The following CFAP46 variants were observed in gnomAD, a reference collection of about 807,000 sequenced individuals.
The protein encoded by CFAP46 is cilia- and flagella-associated protein 46.
In CFAP46, 245 loss-of-function variants were observed where a neutral mutation model predicts 325.7. The ratio of observed to expected loss-of-function variants is 0.75; its 90% confidence interval spans 0.68 to 0.84. The LOEUF (loss-of-function observed/expected upper bound fraction) is 0.84, where lower values mean the gene tolerates loss of function less well. CFAP46 is among the 40% of genes least tolerant of loss of function. The probability of loss-of-function intolerance (pLI) is 0.00; values close to 1 mark genes in which losing one functional copy is unlikely to be tolerated. For missense variants in CFAP46, 3,346 were observed against 3,543.0 expected, an observed-to-expected ratio of 0.94 and a Z score of 1.41; for synonymous variants, 1,523 against 1,495.9, an observed-to-expected ratio of 1.02 and a Z score of -0.42.
chr10:132,924,467 C>A (rs890582310), intron 11 of CFAP46, among the ~76,000 whole-genome samples: 1 of 152,216 alleles, frequency 6.6e-6, no homozygotes, highest in South Asian at 2.1e-4. Flanking sequence ...CACAGATGCC[C>A]GTGAGGCAAG....
intron 50 of CFAP46, among the ~76,000 whole-genome samples, chr10:132,822,228 CGGTGATGTGT>C (rs1565036032): frequency 5.9e-5 from 5 of 85,308 alleles, no homozygotes; most frequent in Non-Finnish European, 8.8e-5. Context: ...GTGCTGTGTG[CGGTGATGTGT>C]GCTGTGTGTG....
intron 50 of CFAP46, among the ~76,000 whole-genome samples, chr10:132,825,152 T>G (rs1331545836): frequency 6.8e-6 from 1 of 147,736 alleles, no homozygotes; most frequent in African/African-American, 2.6e-5. Context: ...TGATGTGTGC[T>G]GTGTGTGCAG....
At chr10:132,905,959 T>C (rs896785296) in intron 22 of CFAP46, among the ~76,000 whole-genome samples, 11 of 152,172 alleles carry the variant, frequency 7.2e-5, no homozygotes, top group Admixed American at 2.0e-4. Flanking sequence ...TGGAAGCAAA[T>C]TGATTTTTAT....
At chr10:132,834,572 A>G (rs985335678) in intron 48 of CFAP46, 82 bp downstream of exon 48, 2 of 1,546,924 alleles carry the variant, frequency 1.3e-6, no homozygotes, top group Non-Finnish European at 1.7e-6. Context: ...CACAGCAAGC[A>G]CACGTGGTTG....
At chr10:132,925,028 A>C (rs1849787710) in intron 10 of CFAP46, 142 bp from the exon 11 acceptor site, 2 of 615,224 alleles carry the variant, frequency 3.3e-6, no homozygotes, top group Non-Finnish European at 5.0e-6. Flanking sequence ...TCTGTCCGTG[A>C]AAATGGCCAG....
Position 132,808,586 on chromosome 10 carries a change from G to T in CFAP46, c.7983C>A (p.Ala2661=). 6.2e-7 allele frequency: 1 copy of T among 1,612,700 alleles called. No individual in the cohort carries two copies. Among genetic ancestry groups the T allele is most frequent in the Non-Finnish European group, 8.5e-7 (1 of 1,179,790 alleles). The change falls in exon 58 of 58, where the codon GCC becomes GCA. Residue 2661 remains alanine, a synonymous_variant. Transcript: ENST00000368586. The surrounding 1 kb of genome is among the most constrained non-coding windows in gnomAD (Gnocchi z 6.8). ...PPPATSRKAA[A]WTSSSACLCA... The stretch of plus-strand genomic sequence containing the variant: ...ACAGGCAGGCAGAGCTCGAGGTCCA[G>T]GCGGCTGCCTTGCGGGAAGTCGCTG...
At position 132,919,532 on chromosome 10, in the gene CFAP46, A is replaced by G; in HGVS notation, c.1731-90T>C. 1 of 1,457,496 alleles carries G rather than the reference A, an allele frequency of 6.9e-7. No individual in the cohort carries two copies. Among genetic ancestry groups the G allele is most frequent in the Non-Finnish European group, 9.1e-7 (1 of 1,097,842 alleles). 90.3% of individuals were successfully genotyped at this position (1,457,496 alleles called of 1,614,324 possible). On this transcript the variant is annotated intron_variant, in intron 14 of 57. Transcript: ENST00000368586. The surrounding 1 kb of genome is among the most constrained non-coding windows in gnomAD (Gnocchi z 9.7). ...ACACCTGGGCTGGCTGCCTGAGAAA[A>G]GGCCACTGTGGCTCTGCAGTTTCAA...
At chr10:132,838,172 G>A (rs1848297585) in intron 44 of CFAP46, among the ~76,000 whole-genome samples, 1 of 152,238 alleles carries the variant, frequency 6.6e-6, no homozygotes, top group East Asian at 1.9e-4. Context: ...CCGGCACGCA[G>A]TTCAGGCTCC....
intron 48 of CFAP46, 116 bp from the exon 49 acceptor site, chr10:132,834,239 G>A (rs959468536): frequency 6.9e-5 from 64 of 932,316 alleles, no homozygotes; most frequent in Middle Eastern, 2.4e-4. Flanking sequence ...GAATCCCCAC[G>A]CTCACTTCTG....
At chr10:132,925,761 C>A (rs1444172798) in intron 10 of CFAP46, among the ~76,000 whole-genome samples, 1 of 152,250 alleles carries the variant, frequency 6.6e-6, no homozygotes, top group Non-Finnish European at 1.5e-5. Flanking sequence ...ACACGTGTGC[C>A]AGGCAGTGCG....
Position 132,924,709 on chromosome 10 carries a change from C to A in CFAP46, c.1243G>T (p.Glu415Ter), listed in dbSNP as rs1188283608. The change falls in exon 11 of 58, where the codon GAG becomes TAG. Residue 415 changes from glutamate to a stop codon, truncating the protein, a stop_gained. Transcript: ENST00000368586. LOFTEE classifies it high-confidence loss of function. ...TGAGCGCCCCACCTGTCCAGCTTCT[C>A]CAGCACGTCCGCAACGCCAGCCAGG... is the stretch of plus-strand genomic sequence containing the variant. ...KPLAGVADVLEKLDSLMTLLR... is the reference protein window; with the variant it reads ...KPLAGVADVL 7.2e-6 allele frequency: 11 copies of A among 1,534,408 alleles called. No homozygotes were observed. In the African/African-American group the frequency reaches 1.5e-4, roughly 21 times the overall value.
intron 44 of CFAP46, among the ~76,000 whole-genome samples, chr10:132,845,823 G>A (rs1419780800): frequency 1.3e-5 from 2 of 152,108 alleles, no homozygotes; most frequent in African/African-American, 2.4e-5. Flanking sequence ...TTGTGACCTC[G>A]CCAACCTCAC....
chr10:132,916,909 A>G (rs1849648462), intron 16 of CFAP46, among the ~76,000 whole-genome samples: 1 of 152,208 alleles, frequency 6.6e-6, no homozygotes, highest in Non-Finnish European at 1.5e-5. Flanking sequence ...AGGGTCAGGG[A>G]AGAGAAGGTC....
At position 132,851,314 on chromosome 10, in the gene CFAP46, G is replaced by A. The variant is rs1300966094; in HGVS notation, c.5575-9C>T. The A allele has an allele frequency of 4.3e-6, 7 of 1,611,858 alleles. No individual in the cohort carries two copies. In the East Asian group the frequency reaches 1.6e-4, roughly 36 times the overall value. ...GTGTTGACGTTCTGCAACTGAGGGGGTCAGGCATGCCTCTGAAGCATGGAA... is the reference window on the plus strand; with the variant it reads ...GTGTTGACGTTCTGCAACTGAGGGGATCAGGCATGCCTCTGAAGCATGGAA... On this transcript the variant is annotated splice_polypyrimidine_tract_variant and intron_variant, in intron 39 of 57. Transcript: ENST00000368586.
chr10:132,868,239 C>T (rs1482209618), intron 33 of CFAP46, among the ~76,000 whole-genome samples: 1 of 152,204 alleles, frequency 6.6e-6, no homozygotes, highest in Non-Finnish European at 1.5e-5. Context: ...GGCCACCCCA[C>T]ATCGCGTTGG....
chr10:132,906,416 G>A (rs1326301717), intron 22 of CFAP46, among the ~76,000 whole-genome samples: 1 of 152,290 alleles, frequency 6.6e-6, no homozygotes, highest in Admixed American at 6.5e-5. Flanking sequence ...CCTGGGAACA[G>A]TAGTGCCTGC....
At chr10:132,834,872 C>T in intron 47 of CFAP46, 97 bp from the exon 48 acceptor site, 1 of 1,456,724 alleles carries the variant, frequency 6.9e-7, no homozygotes, top group Non-Finnish European at 9.1e-7. Context: ...AGCTCCTGCC[C>T]CTTCTGCAAA....
At chr10:132,938,792 G>A (rs762031454) in intron 4 of CFAP46, 39 bp from the exon 5 acceptor site, 1 of 1,585,608 alleles carries the variant, frequency 6.3e-7, no homozygotes, top group African/African-American at 1.3e-5. Flanking sequence ...CACGCTCAAA[G>A]CCCAGCCGGC....
chr10:132,849,734 C>CT lies in CFAP46; in HGVS notation c.5952+509dup, dbSNP rs200936639. On this transcript the variant is annotated intron_variant, in intron 41 of 57. Transcript: ENST00000368586. ...CCTGGGCATGGAGGCAGCAGCCTCC[C>CT]TGGGCTGTAGGGGGTGGGGGATGGA... is the stretch of plus-strand genomic sequence containing the variant. Among the ~76,000 whole-genome samples, 84 of 152,242 alleles carry CT rather than the reference C, an allele frequency of 5.5e-4. 1 individual carries two copies. In the East Asian group the frequency reaches 0.015, roughly 26 times the overall value.
Sources: gnomAD v4.1 joint callset for allele counts (sites outside exome capture counted in the v4.1 genomes callset) on GRCh38, gnomAD v4.1.1 for gene constraint, Gnocchi (gnomAD v3.1) non-coding constraint, MANE v1.5 for transcripts, NCBI Gene and HGNC (gene_info 2026-07-23, HGNC 2026-07-21) for gene names.